The following ST6GALNAC3 variants were observed in gnomAD, a reference collection of about 807,000 sequenced individuals.
ST6GALNAC3 encodes ST6 N-acetylgalactosaminide alpha-2,6-sialyltransferase 3, also known as alpha-N-acetylgalactosaminide alpha-2,6-sialyltransferase 3.
In ST6GALNAC3, 25 loss-of-function variants were observed where a neutral mutation model predicts 32.7. The ratio of observed to expected loss-of-function variants is 0.76; its 90% CI spans 0.56 to 1.07. The LOEUF (loss-of-function observed/expected upper bound fraction) is 1.07, where lower values mean the gene tolerates loss of function less well. Ranked by LOEUF, ST6GALNAC3 falls within the 50% of genes least tolerant of loss-of-function variation. The pLI is 0.00. For missense variants in ST6GALNAC3, 355 were observed against 382.4 expected (o/e 0.93, Z 0.60); for synonymous variants, 129 against 133.1 (o/e 0.97, Z 0.21).
chr1:76,610,479 G>A (rs962812454), intron 3 of ST6GALNAC3, among the ~76,000 whole-genome samples: 1 of 152,122 alleles, frequency 6.6e-6, no homozygotes, highest in Non-Finnish European at 1.5e-5. Context: ...CCAGGCAGGA[G>A]AACCAAACTT....
Position 76,261,974 on chromosome 1 carries a change from T to C in ST6GALNAC3, c.19-51831T>C, listed in dbSNP as rs184947906. Among the ~76,000 whole-genome samples the C allele has an allele frequency of 2.9e-4, 44 of 152,338 alleles. No homozygotes were observed. The South Asian group carries it at 5.8e-3, about 20-fold the overall frequency. On this transcript the variant is annotated intron_variant, in intron 1 of 4. Coordinates refer to ENST00000328299, the MANE Select transcript of ST6GALNAC3 (RefSeq NM_152996.4). The stretch of plus-strand genomic sequence containing the variant: ...AATAGTTTTACCAAGGAAATGTTTT[T>C]CACGCGGAAAGAAGACTGAGATGAA...
chr1:76,294,256 T>C (rs56831847), intron 1 of ST6GALNAC3, among the ~76,000 whole-genome samples: 27,669 of 151,986 alleles, frequency 0.18, 3,173 homozygotes, highest in East Asian at 0.5. Context: ...AAGAACACTT[T>C]CTCTTAGGTA....
chr1:76,444,652 G>A (rs1656844980), intron 3 of ST6GALNAC3, among the ~76,000 whole-genome samples: 1 of 152,160 alleles, frequency 6.6e-6, no homozygotes, highest in Non-Finnish European at 1.5e-5. Flanking sequence ...CTGGACTCTG[G>A]TAGGGAGCCA....
intron 2 of ST6GALNAC3, among the ~76,000 whole-genome samples, chr1:76,378,663 C>CA (rs1651442411): frequency 2.0e-5 from 2 of 102,116 alleles, no homozygotes; most frequent in Non-Finnish European, 2.0e-5. Flanking sequence ...ATTCCTTCCC[C>CA]CCCCCAAAAA....
rs796411769 is a variant in ST6GALNAC3 at position 76,213,938 on chromosome 1, A to G, written c.19-99867A>G. Among the ~76,000 whole-genome samples the G allele has an allele frequency of 6.8e-4, 103 of 152,322 alleles. 2 individuals carry two copies. Among genetic ancestry groups the G allele is most frequent in the African/African-American group, 2.2e-3 (93 of 41,584 alleles). ...CATCATTTGTGAATGCTTACCGTAT[A>G]TGACTGTATGAATGGGCCACCTGCA... On this transcript the variant is annotated intron_variant, in intron 1 of 4. Transcript: ENST00000328299.
At chr1:76,227,631 A>G (rs1656148524) in intron 1 of ST6GALNAC3, among the ~76,000 whole-genome samples, 2 of 152,232 alleles carry the variant, frequency 1.3e-5, no homozygotes, top group South Asian at 4.1e-4. Flanking sequence ...AATCCCAATT[A>G]CTGGAATGTA....
At chr1:76,253,953 A>G (rs1464637580) in intron 1 of ST6GALNAC3, among the ~76,000 whole-genome samples, 2 of 152,196 alleles carry the variant, frequency 1.3e-5, no homozygotes, top group African/African-American at 4.8e-5. Flanking sequence ...CTCAATGGCC[A>G]ATCAGCAGTG....
At chr1:76,149,963 C>T (rs1379530533) in intron 1 of ST6GALNAC3, among the ~76,000 whole-genome samples, 1 of 152,198 alleles carries the variant, frequency 6.6e-6, no homozygotes, top group Non-Finnish European at 1.5e-5. Flanking sequence ...AGCCAGAGCT[C>T]ACCTGGTTGA....
Position 76,313,962 on chromosome 1 carries a change from G to T in ST6GALNAC3, c.176G>T (p.Arg59Leu), listed in dbSNP as rs142835503. Reference protein sequence around the residue: ...PFSYTYRRPLRTHYGYINVKT... With the variant: ...PFSYTYRRPLLTHYGYINVKT... ...TCCTACACATACAGGCGGCCCCTTC[G>T]AACTCACTATGGATACATAAATGTG... Residue 59 changes from arginine to leucine, a missense_variant, in exon 2 of 5, where the codon CGA (arginine) becomes CTA (leucine). Physicochemically the swap from Arg to Leu is moderately radical, Grantham distance 102 (BLOSUM62 -2). Coordinates refer to ENST00000328299, the MANE Select transcript of ST6GALNAC3 (RefSeq NM_152996.4). 2.5e-6 allele frequency: 4 copies of T among 1,613,134 alleles called. No homozygotes were observed. Among genetic ancestry groups the T allele is most frequent in the Non-Finnish European group, 2.5e-6 (3 of 1,179,472 alleles).
intron 3 of ST6GALNAC3, among the ~76,000 whole-genome samples, chr1:76,499,822 G>A (rs1389890348): frequency 6.6e-6 from 1 of 152,144 alleles, no homozygotes; most frequent in African/African-American, 2.4e-5. Flanking sequence ...ACTTGCAACA[G>A]TATCTGAAGA....
Position 76,277,639 on chromosome 1 carries a change from T to C in ST6GALNAC3, c.19-36166T>C, listed in dbSNP as rs549905562. 6.4e-3 allele frequency among the ~76,000 whole-genome samples: 947 copies of C among 147,866 alleles called. 2 individuals are homozygous for C. Among genetic ancestry groups the C allele is most frequent in the Non-Finnish European group, 1.0e-2 (668 of 66,964 alleles). On this transcript the variant is annotated intron_variant, in intron 1 of 4. Transcript: ENST00000328299. ...ACACACACACACACACACACACATT[T>C]CTACATATGTAGCTGTATATACACG... is the stretch of plus-strand genomic sequence containing the variant.
chr1:76,620,134 T>C (rs996741958), intron 3 of ST6GALNAC3, among the ~76,000 whole-genome samples: 6 of 152,066 alleles, frequency 3.9e-5, no homozygotes, highest in African/African-American at 1.4e-4. Flanking sequence ...TAGAAAGTAC[T>C]CAACACATCT....
At chr1:76,623,430 T>C (rs1648767675) in intron 3 of ST6GALNAC3, among the ~76,000 whole-genome samples, 1 of 151,900 alleles carries the variant, frequency 6.6e-6, no homozygotes, top group Admixed American at 6.6e-5. Context: ...ATTAGGGGCT[T>C]AAATTCTCTT....
chr1:76,563,353 C>G (rs1665356753), intron 3 of ST6GALNAC3, among the ~76,000 whole-genome samples: 1 of 152,220 alleles, frequency 6.6e-6, no homozygotes. Context: ...AAGGGACAAA[C>G]TGGGAGAGGC....
chr1:76,211,948 T>C (rs1025017005), intron 1 of ST6GALNAC3, among the ~76,000 whole-genome samples: 12 of 152,092 alleles, frequency 7.9e-5, no homozygotes, highest in Middle Eastern at 3.4e-3. Context: ...AGAATAAAAA[T>C]AAAATAAAAT....
intron 2 of ST6GALNAC3, among the ~76,000 whole-genome samples, chr1:76,348,164 T>G (rs1648675088): frequency 6.6e-6 from 1 of 152,060 alleles, no homozygotes; most frequent in Non-Finnish European, 1.5e-5. Context: ...AGAATACAAC[T>G]GAAAAATGGC....
intron 1 of ST6GALNAC3, among the ~76,000 whole-genome samples, chr1:76,285,959 A>G (rs755059605): frequency 4.6e-5 from 7 of 151,452 alleles, no homozygotes; most frequent in Non-Finnish European, 7.4e-5. Flanking sequence ...TGACAGATAC[A>G]GGAAGGCAGA....
At chr1:76,273,204 A>G (rs1365489298) in intron 1 of ST6GALNAC3, among the ~76,000 whole-genome samples, 1 of 152,190 alleles carries the variant, frequency 6.6e-6, no homozygotes, top group Non-Finnish European at 1.5e-5. Flanking sequence ...ACAGAAATAA[A>G]AACCTTCATG....
intron 3 of ST6GALNAC3, among the ~76,000 whole-genome samples, chr1:76,598,191 C>T (rs1470681703): frequency 6.6e-6 from 1 of 152,150 alleles, no homozygotes; most frequent in Non-Finnish European, 1.5e-5. Context: ...GAGGGCTCCA[C>T]TCTCACAGCC....
Sources: allele counts gnomAD v4.1 joint callset (sites outside exome capture counted in the v4.1 genomes callset), GRCh38; gene constraint gnomAD v4.1.1; transcripts MANE v1.5; gene names NCBI Gene and HGNC (gene_info 2026-07-23, HGNC 2026-07-21).